The following FAM178B variants were observed in gnomAD, a reference collection of about 807,000 sequenced individuals.
The protein encoded by FAM178B is protein FAM178B.
FAM178B carries 82 observed loss-of-function variants against 91.7 expected under a neutral mutation model. The ratio of observed to expected loss-of-function variants is 0.89; its 90% CI spans 0.75 to 1.07. The LOEUF (loss-of-function observed/expected upper bound fraction) is 1.07. FAM178B is among the 50% of genes least tolerant of loss of function. The probability of loss-of-function intolerance (pLI) is 0.00; values close to 1 mark genes in which losing one functional copy is unlikely to be tolerated. For synonymous variants in FAM178B, 368 were observed against 359.4 expected, an observed-to-expected ratio of 1.02 and a Z score of -0.27; for missense variants, 769 against 846.7, an observed-to-expected ratio of 0.91 and a Z score of 1.14.
At chr2:96,968,324 CCCCCACAATAGG>C (rs981041494) in intron 4 of FAM178B, among the ~76,000 whole-genome samples, 3 of 152,178 alleles carry the variant, frequency 2.0e-5, no homozygotes, top group Non-Finnish European at 2.9e-5. Flanking sequence ...CTTCAACTGG[CCCCCACAATAGG>C]CCCCACACAC....
At chr2:96,878,233 C>G (rs115054463) in intron 15 of FAM178B, among the ~76,000 whole-genome samples, 183 bp downstream of exon 15, 1 of 152,194 alleles carries the variant, frequency 6.6e-6, no homozygotes, top group Non-Finnish European at 1.5e-5. Flanking sequence ...GGGAATGGCT[C>G]AGCTGGTGGG....
chr2:96,984,636 G>T (rs1006957623), intron 1 of FAM178B, among the ~76,000 whole-genome samples: 3 of 152,230 alleles, frequency 2.0e-5, no homozygotes, highest in African/African-American at 7.2e-5. Context: ...CTATCTACCA[G>T]TGATTATATG....
chr2:96,962,469 A>T (rs2082095157), intron 5 of FAM178B, among the ~76,000 whole-genome samples: 2 of 151,204 alleles, frequency 1.3e-5, no homozygotes, highest in South Asian at 2.1e-4. Flanking sequence ...AAGAAAAAAA[A>T]GCCTATAAGA....
intron 9 of FAM178B, 53 bp downstream of exon 9, chr2:96,929,151 CCT>C: frequency 1.6e-6 from 2 of 1,223,206 alleles, no homozygotes; most frequent in South Asian, 2.6e-5. Flanking sequence ...AGAGAGAGAC[CCT>C]GTCTCTTAAA....
At chr2:96,902,570 A>G in intron 13 of FAM178B, 50 bp downstream of exon 13, 1 of 1,338,904 alleles carries the variant, frequency 7.5e-7, no homozygotes, top group African/African-American at 1.4e-5. Flanking sequence ...GAAAGCCTCC[A>G]GAGCCCGCAG....
chr2:96,920,320 G>C (rs1177163612), intron 12 of FAM178B, among the ~76,000 whole-genome samples: 1 of 152,218 alleles, frequency 6.6e-6, no homozygotes, highest in Non-Finnish European at 1.5e-5. Context: ...AGAATTTACA[G>C]GCCAGGCGTG....
chr2:96,978,518 T>A (rs2082320576), intron 1 of FAM178B, among the ~76,000 whole-genome samples: 1 of 152,206 alleles, frequency 6.6e-6, no homozygotes, highest in African/African-American at 2.4e-5. Flanking sequence ...AGTGTTTAGT[T>A]CCACTTGTAA....
chr2:96,982,042 G>T (rs1232634443), intron 1 of FAM178B, among the ~76,000 whole-genome samples: 1 of 152,014 alleles, frequency 6.6e-6, no homozygotes, highest in African/African-American at 2.4e-5. Flanking sequence ...ACTCCAGCCT[G>T]GGTGACAAAG....
At chr2:96,934,567 T>G (rs889653100) in intron 8 of FAM178B, among the ~76,000 whole-genome samples, 5 of 152,298 alleles carry the variant, frequency 3.3e-5, no homozygotes, top group Middle Eastern at 6.8e-3. Flanking sequence ...CATTTCCTAT[T>G]TTAAAAACAT....
intron 9 of FAM178B, among the ~76,000 whole-genome samples, chr2:96,925,756 C>T (rs779688287): frequency 3.3e-5 from 5 of 152,206 alleles, no homozygotes; most frequent in Non-Finnish European, 7.3e-5. Flanking sequence ...TTACAAGGGG[C>T]ATGTCACTGG....
At chr2:96,902,438 A>T (rs1446726473) in intron 13 of FAM178B, among the ~76,000 whole-genome samples, 182 bp downstream of exon 13, 1 of 152,220 alleles carries the variant, frequency 6.6e-6, no homozygotes, top group African/African-American at 2.4e-5. Context: ...CTCTCAGCTC[A>T]CTGCTCTGTC....
At chr2:96,970,007 A>C (rs554375260) in intron 4 of FAM178B, among the ~76,000 whole-genome samples, 1 of 152,344 alleles carries the variant, frequency 6.6e-6, no homozygotes, top group South Asian at 2.1e-4. Flanking sequence ...CATGCACTGA[A>C]CAAAAACAAC....
chr2:96,908,582 G>A (rs746313952), intron 12 of FAM178B, among the ~76,000 whole-genome samples: 50 of 152,134 alleles, frequency 3.3e-4, no homozygotes, highest in Non-Finnish European at 5.3e-4. Context: ...CTATGTGATG[G>A]AAGCTGTGAA....
At chr2:96,972,644 G>C (rs1434083213) in intron 1 of FAM178B, 38 bp from the exon 2 acceptor site, 2 of 1,536,824 alleles carry the variant, frequency 1.3e-6, no homozygotes, top group Admixed American at 3.9e-5. Context: ...TGAACCTCCA[G>C]AAGAAAGCTA....
chr2:96,954,394 C>T (rs1035514623), intron 6 of FAM178B, among the ~76,000 whole-genome samples: 1 of 152,236 alleles, frequency 6.6e-6, no homozygotes, highest in Non-Finnish European at 1.5e-5. Context: ...CGGGGAAACC[C>T]GCAAAACCAG....
Position 96,924,315 on chromosome 2 carries a change from G to A in FAM178B, c.1194-732C>T, listed in dbSNP as rs1411472787. On this transcript the variant is annotated intron_variant, in intron 9 of 16. Transcript: ENST00000490605. The stretch of plus-strand genomic sequence containing the variant: ...GTAGCTGACACGGGCTGGCTCACAA[G>A]CCAGCAAGTATGGGGGAAATCAGAA... 2.0e-5 allele frequency among the ~76,000 whole-genome samples: 3 copies of A among 152,216 alleles called. No individual in the cohort carries two copies. The East Asian group carries it at 5.8e-4, about 29-fold the overall frequency.
At chr2:96,907,518 C>T (rs2081078624) in intron 12 of FAM178B, among the ~76,000 whole-genome samples, 1 of 152,200 alleles carries the variant, frequency 6.6e-6, no homozygotes, top group African/African-American at 2.4e-5. Context: ...CAACAGGCTC[C>T]AGCCCTGGCG....
chr2:96,880,553 ATG>A (rs1203756297), intron 14 of FAM178B, among the ~76,000 whole-genome samples: 1 of 152,198 alleles, frequency 6.6e-6, no homozygotes, highest in Non-Finnish European at 1.5e-5. Flanking sequence ...TTTCTCTACA[ATG>A]TGTGTACTCA....
At chr2:96,934,433 G>A (rs1291473888) in intron 8 of FAM178B, among the ~76,000 whole-genome samples, 1 of 152,170 alleles carries the variant, frequency 6.6e-6, no homozygotes, top group African/African-American at 2.4e-5. Flanking sequence ...CTGGAAGACT[G>A]GGGCAAGGAC....
Sources: gnomAD v4.1 joint callset for allele counts (sites outside exome capture counted in the v4.1 genomes callset) on GRCh38, gnomAD v4.1.1 for gene constraint, MANE v1.5 for transcripts, NCBI Gene and HGNC (gene_info 2026-07-23, HGNC 2026-07-21) for gene names.